CSMD1: variants seen among roughly 807,000 people sequenced by gnomAD.
CSMD1 encodes CUB and sushi domain-containing protein 1.
CSMD1 carries 213 observed loss-of-function variants against 417.5 expected under a neutral mutation model. The observed-to-expected ratio is 0.51, with a 90% CI of 0.46 to 0.57. CSMD1 has a LOEUF of 0.57. Ranked by LOEUF, CSMD1 falls within the 20% of genes least tolerant of loss-of-function variation. CSMD1 has a pLI of 0.00. For synonymous variants in CSMD1, 2,862 were observed against 1,736.8 expected, an observed-to-expected ratio of 1.65 and a Z score of -16.11; for missense variants, 6,923 against 4,529.7, an observed-to-expected ratio of 1.53 and a Z score of -15.17.
intron 23 of CSMD1, among the ~76,000 whole-genome samples, chr8:3,317,754 T>A (rs980195020): frequency 6.6e-6 from 1 of 152,240 alleles, no homozygotes; most frequent in Non-Finnish European, 1.5e-5. Flanking sequence ...TAAAATGTTA[T>A]AAATTTTGTG....
At chr8:4,446,074 C>T (rs1798770731) in intron 2 of CSMD1, among the ~76,000 whole-genome samples, 2 of 152,130 alleles carry the variant, frequency 1.3e-5, no homozygotes, top group African/African-American at 2.4e-5. Flanking sequence ...GTTTCATAGG[C>T]GGAAGGGCTC....
chr8:3,165,089 C>G (rs964805958), intron 37 of CSMD1, among the ~76,000 whole-genome samples: 3 of 151,980 alleles, frequency 2.0e-5, no homozygotes, highest in Admixed American at 6.6e-5. Flanking sequence ...TGGCCAGACT[C>G]AGGAAGCAGT....
At chr8:4,738,257 T>C (rs1400126671) in intron 1 of CSMD1, among the ~76,000 whole-genome samples, 2 of 152,230 alleles carry the variant, frequency 1.3e-5, no homozygotes, top group Admixed American at 1.3e-4. Context: ...TTAGTTCATT[T>C]TCACGCTGCT....
intron 3 of CSMD1, among the ~76,000 whole-genome samples, chr8:4,134,614 C>T (rs976210847): frequency 1.3e-5 from 2 of 152,318 alleles, no homozygotes; most frequent in Non-Finnish European, 2.9e-5. Context: ...CACCTACACA[C>T]GTGCTACCTG....
intron 3 of CSMD1, among the ~76,000 whole-genome samples, chr8:4,139,648 G>T (rs961736179): frequency 6.6e-6 from 1 of 151,198 alleles, no homozygotes; most frequent in Non-Finnish European, 1.5e-5. Context: ...ACCAGCAGAT[G>T]CAAGGGCAAA....
At chr8:4,436,421 T>C (rs907222696) in intron 2 of CSMD1, among the ~76,000 whole-genome samples, 2 of 152,302 alleles carry the variant, frequency 1.3e-5, no homozygotes, top group South Asian at 2.1e-4. Flanking sequence ...ACAGAGTAGA[T>C]GTGTGTATTT....
intron 31 of CSMD1, among the ~76,000 whole-genome samples, chr8:3,202,730 C>T (rs79630420): frequency 0.049 from 7,387 of 152,148 alleles, 260 homozygotes; most frequent in Admixed American, 0.1. Context: ...GTTAGTATGA[C>T]GGAAGTAATC....
At chr8:3,411,786 A>G (rs978732694) in intron 12 of CSMD1, among the ~76,000 whole-genome samples, 3 of 112,154 alleles carry the variant, frequency 2.7e-5, no homozygotes, top group African/African-American at 1.1e-4. Flanking sequence ...ATATACCTGT[A>G]TATATACACG....
intron 1 of CSMD1, among the ~76,000 whole-genome samples, chr8:4,908,845 CACTTA>C (rs933233897): frequency 3.9e-5 from 6 of 152,252 alleles, no homozygotes; most frequent in Admixed American, 3.3e-4. Flanking sequence ...TAATCATACT[CACTTA>C]AAATATCTGA....
intron 3 of CSMD1, among the ~76,000 whole-genome samples, chr8:4,034,367 G>C (rs539258233): frequency 1.3e-5 from 2 of 152,170 alleles, no homozygotes; most frequent in African/African-American, 4.8e-5. Flanking sequence ...AGTAATTTCT[G>C]AGAGCAGTCT....
chr8:3,199,356 A>G (rs1176438301), intron 33 of CSMD1, among the ~76,000 whole-genome samples: 1 of 152,098 alleles, frequency 6.6e-6, no homozygotes, highest in African/African-American at 2.4e-5. Context: ...TATTTCCTAT[A>G]TTGTTACTAA....
At chr8:3,499,610 T>C (rs537153017) in intron 10 of CSMD1, among the ~76,000 whole-genome samples, 10 of 152,086 alleles carry the variant, frequency 6.6e-5, no homozygotes, top group East Asian at 1.9e-4. Flanking sequence ...AGAATTCAGC[T>C]CTCAGGGTCT....
At chr8:3,592,626 G>A (rs993183093) in intron 8 of CSMD1, among the ~76,000 whole-genome samples, 2 of 152,104 alleles carry the variant, frequency 1.3e-5, no homozygotes, top group African/African-American at 4.8e-5. Flanking sequence ...GCAGGAGGAA[G>A]GGTGAATGCT....
intron 1 of CSMD1, among the ~76,000 whole-genome samples, chr8:4,663,223 G>C (rs1252999926): frequency 1.3e-5 from 2 of 152,158 alleles, no homozygotes; most frequent in African/African-American, 4.8e-5. Context: ...CATTATCCCA[G>C]CCCGATTTTT....
intron 3 of CSMD1, among the ~76,000 whole-genome samples, chr8:4,208,417 A>G (rs1306958330): frequency 6.6e-6 from 1 of 152,184 alleles, no homozygotes; most frequent in African/African-American, 2.4e-5. Flanking sequence ...CATGTTATGA[A>G]AACTCTATTA....
chr8:3,128,729 G>C (rs1327494438), intron 41 of CSMD1: 3 of 382,106 alleles, frequency 7.9e-6, no homozygotes, highest in East Asian at 7.2e-5. Context: ...TCATTTATTT[G>C]TATTATTTAT....
intron 5 of CSMD1, among the ~76,000 whole-genome samples, chr8:3,942,115 G>A (rs183020386): frequency 1.3e-5 from 2 of 152,080 alleles, no homozygotes; most frequent in East Asian, 3.9e-4. Context: ...CTGATGATCT[G>A]TCACGCTGAG....
intron 41 of CSMD1, chr8:3,128,946 A>C (rs1268465482): frequency 2.3e-6 from 1 of 427,164 alleles, no homozygotes; most frequent in Admixed American, 3.0e-5. Flanking sequence ...GTATCTCACA[A>C]ATCCTTTAAA....
At chr8:4,164,252 AATG>A (rs1797329378) in intron 3 of CSMD1, among the ~76,000 whole-genome samples, 2 of 152,210 alleles carry the variant, frequency 1.3e-5, no homozygotes, top group South Asian at 4.1e-4. Flanking sequence ...AAAAAAACAA[AATG>A]ATGTTAAAAA....
Sources: gnomAD v4.1 joint callset for allele counts (sites outside exome capture counted in the v4.1 genomes callset) on GRCh38, gnomAD v4.1.1 for gene constraint, MANE v1.5 for transcripts, NCBI Gene and HGNC (gene_info 2026-07-23, HGNC 2026-07-21) for gene names.